The following PGBD5 variants were observed in gnomAD, a reference collection of about 807,000 sequenced individuals.
PGBD5 encodes piggyBac transposable element derived 5.
In PGBD5, 14 loss-of-function variants were observed where a neutral mutation model predicts 47.9. That is an observed-to-expected ratio of 0.29 (90% CI 0.19 to 0.46). The LOEUF (loss-of-function observed/expected upper bound fraction) is 0.46, where lower values mean the gene tolerates loss of function less well. Ranked by LOEUF, PGBD5 falls within the 20% of genes least tolerant of loss-of-function variation. The probability of loss-of-function intolerance (pLI) is 1.00; values close to 1 mark genes in which losing one functional copy is unlikely to be tolerated. For missense variants in PGBD5, 635 were observed against 716.0 expected (o/e 0.89, Z 1.29); for synonymous variants, 316 against 306.3 (o/e 1.03, Z -0.33).
intron 3 of PGBD5, among the ~76,000 whole-genome samples, chr1:230,344,469 G>C (rs762813105): frequency 6.6e-6 from 1 of 152,220 alleles, no homozygotes; most frequent in Admixed American, 6.5e-5. Flanking sequence ...AATGAATCCT[G>C]CATGTGAAGT....
intron 1 of PGBD5, among the ~76,000 whole-genome samples, chr1:230,376,426 CT>C (rs112259644): frequency 0.088 from 13,456 of 152,064 alleles, 925 homozygotes; most frequent in African/African-American, 0.19. Flanking sequence ...CAGAATGATC[CT>C]TCCCACACCA....
At chr1:230,348,710 G>A (rs974653547) in intron 3 of PGBD5, among the ~76,000 whole-genome samples, 2 of 152,204 alleles carry the variant, frequency 1.3e-5, no homozygotes, top group Non-Finnish European at 1.5e-5. Flanking sequence ...ACGTCTCCTG[G>A]CCCCTCACAG....
intron 1 of PGBD5, among the ~76,000 whole-genome samples, chr1:230,391,541 A>T (rs1656784913): frequency 1.3e-5 from 2 of 152,200 alleles, no homozygotes; most frequent in South Asian, 4.1e-4. Context: ...GCAAACGTCA[A>T]ATCAGACCCT....
Position 230,425,488 on chromosome 1 carries a change from C to G in PGBD5, c.331+110G>C, listed in dbSNP as rs908567747. On this transcript the variant is annotated intron_variant, in intron 1 of 6. Transcript: ENST00000391860. This position sits in a 1 kb window ranked among gnomAD's most constrained non-coding sequence, Gnocchi z 4.7. ...AGCCTCATTTGTTTCCGGAGAGACA[C>G]CCACAAGCCAGCCCACGGAGAGTCT... The G allele has an allele frequency of 2.4e-6, 2 of 838,608 alleles. No individual in the cohort carries two copies. The highest frequency in any genetic ancestry group is 4.5e-5 in the Admixed American group (1 of 22,138). 51.9% of individuals were successfully genotyped at this position (838,608 alleles called of 1,614,324 possible).
chr1:230,382,638 G>A (rs1212609248), intron 1 of PGBD5, among the ~76,000 whole-genome samples: 1 of 152,218 alleles, frequency 6.6e-6, no homozygotes, highest in East Asian at 1.9e-4. Flanking sequence ...GTAAACTAGG[G>A]TGGTTGGTCA....
At chr1:230,375,355 T>C (rs960033375) in intron 1 of PGBD5, among the ~76,000 whole-genome samples, 1 of 152,140 alleles carries the variant, frequency 6.6e-6, no homozygotes, top group African/African-American at 2.4e-5. Context: ...GCAAGGTCCC[T>C]GATTAGAGGG....
chr1:230,337,023 G>T, intron 4 of PGBD5, 85 bp downstream of exon 4: 1 of 1,456,552 alleles, frequency 6.9e-7, no homozygotes, highest in Non-Finnish European at 9.4e-7. Context: ...TGGCCACCAC[G>T]TATCTGCACC....
In PGBD5 at chr1:230,325,334, C is replaced by A; in HGVS notation, c.1355G>T (p.Cys452Phe). The A allele has an allele frequency of 6.2e-7, 1 of 1,613,422 alleles. No individual in the cohort carries two copies. Among genetic ancestry groups the A allele is most frequent in the Non-Finnish European group, 8.5e-7 (1 of 1,179,676 alleles). Reference sequence around the variant, plus strand: ...CTTGCTGTATTTGTCATCGTATCTGCAGATGTAGCTCAGGTGAGCGGCAAA... The same window carrying A: ...CTTGCTGTATTTGTCATCGTATCTGAAGATGTAGCTCAGGTGAGCGGCAAA... ...EAFAAHLSYICRYDDKYSKYF... is the reference protein window; with the variant it reads ...EAFAAHLSYIFRYDDKYSKYF... Residue 452 changes from cysteine to phenylalanine, a missense_variant, in exon 6 of 7, where the codon TGC (cysteine) becomes TTC (phenylalanine). Cys to Phe is a radical substitution (Grantham distance 205). Transcript: ENST00000391860.
chr1:230,337,022 C>T (rs1159722260), intron 4 of PGBD5, 86 bp downstream of exon 4: 14 of 1,453,626 alleles, frequency 9.6e-6, no homozygotes, highest in Middle Eastern at 1.8e-4. Context: ...GTGGCCACCA[C>T]GTATCTGCAC....
chr1:230,360,675 G>A (rs1057144606), intron 1 of PGBD5, among the ~76,000 whole-genome samples: 1 of 152,178 alleles, frequency 6.6e-6, no homozygotes, highest in Non-Finnish European at 1.5e-5. Context: ...TAAGTTTCCT[G>A]AGGTCTTCGA....
At chr1:230,352,692 C>T (rs1326710144) in intron 2 of PGBD5, among the ~76,000 whole-genome samples, 6 of 152,290 alleles carry the variant, frequency 3.9e-5, no homozygotes, top group African/African-American at 1.4e-4. Context: ...TGCAACGTCT[C>T]CCCTGGCCCT....
At chr1:230,376,486 G>C (rs571788532) in intron 1 of PGBD5, among the ~76,000 whole-genome samples, 1 of 152,072 alleles carries the variant, frequency 6.6e-6, no homozygotes. Context: ...GGTGTCAATC[G>C]GCCCTTTGTT....
intron 1 of PGBD5, among the ~76,000 whole-genome samples, chr1:230,393,400 A>AG (rs1280012859): frequency 6.6e-6 from 1 of 152,020 alleles, no homozygotes. Flanking sequence ...GGCGGACTCT[A>AG]GGAGGCTCAC....
intron 1 of PGBD5, among the ~76,000 whole-genome samples, chr1:230,409,796 G>T (rs1657375882): frequency 6.6e-6 from 1 of 151,190 alleles, no homozygotes; most frequent in Non-Finnish European, 1.5e-5. Flanking sequence ...TAATAAAGCT[G>T]TTACTAAAAA....
intron 1 of PGBD5, among the ~76,000 whole-genome samples, chr1:230,404,993 T>TTA (rs1657267181): frequency 6.8e-6 from 1 of 146,668 alleles, no homozygotes. Context: ...TTTTTTTTTT[T>TTA]AAAAAGATAT....
Position 230,321,845 on chromosome 1 carries a change from AGGGTGTTT to A in PGBD5, c.*1572_*1579del, listed in dbSNP as rs1667035973. ...TTCAATCCCATTAAAGGGCACAGCAAGGGTGTTTGGAAACACGATCTGAAATTTGGCCT... is the reference window on the plus strand; with the variant it reads ...TTCAATCCCATTAAAGGGCACAGCAAGGAAACACGATCTGAAATTTGGCCT... On this transcript the variant is annotated 3_prime_UTR_variant, in exon 7 of 7. Transcript: ENST00000391860. 1 of 152,654 alleles carries A rather than the reference AGGGTGTTT, an allele frequency of 6.6e-6. No individual in the cohort carries two copies. Among genetic ancestry groups the A allele is most frequent in the South Asian group, 2.1e-4 (1 of 4,834 alleles). The allele number at this position is 152,654 out of a possible 1,614,324, so 9.5% of individuals were successfully genotyped here.
chr1:230,367,918 A>T, intron 1 of PGBD5: 1 of 1,347,834 alleles, frequency 7.4e-7, no homozygotes, highest in Middle Eastern at 2.7e-4. Flanking sequence ...GGCTCGGGGA[A>T]GAGAACTTGC....
intron 5 of PGBD5, among the ~76,000 whole-genome samples, chr1:230,326,679 T>C (rs1294429435): frequency 6.6e-6 from 1 of 152,150 alleles, no homozygotes; most frequent in Non-Finnish European, 1.5e-5. Flanking sequence ...TCTCACCATG[T>C]TGCCTAGGCT....
intron 1 of PGBD5, among the ~76,000 whole-genome samples, chr1:230,367,686 C>T (rs1667858991): frequency 6.6e-6 from 1 of 152,134 alleles, no homozygotes; most frequent in African/African-American, 2.4e-5. Flanking sequence ...TGACAGAGAC[C>T]CTGTCTCTTA....
Sources: allele counts gnomAD v4.1 joint callset (sites outside exome capture counted in the v4.1 genomes callset), GRCh38; gene constraint gnomAD v4.1.1; non-coding constraint Gnocchi (gnomAD v3.1); transcripts MANE v1.5; gene names NCBI Gene and HGNC (gene_info 2026-07-23, HGNC 2026-07-21).